The following DLGAP2 variants were observed in gnomAD, a reference collection of about 807,000 sequenced individuals.
DLGAP2 encodes disks large-associated protein 2.
A neutral mutation model predicts 100.3 loss-of-function variants in DLGAP2; 26 were observed. That is an observed-to-expected ratio of 0.26 (90% CI 0.19 to 0.36). DLGAP2 has a LOEUF of 0.36. DLGAP2 is among the 10% of genes least tolerant of loss of function. The probability of loss-of-function intolerance (pLI) is 1.00; values close to 1 mark genes in which losing one functional copy is unlikely to be tolerated. For synonymous variants in DLGAP2, 886 were observed against 630.1 expected (o/e 1.41, Z -6.08); for missense variants, 1,858 against 1,453.2 (o/e 1.28, Z -4.53).
chr8:1,593,212 T>C (rs866911790), intron 6 of DLGAP2, among the ~76,000 whole-genome samples: 2 of 152,086 alleles, frequency 1.3e-5, no homozygotes, highest in Admixed American at 6.6e-5. Flanking sequence ...CCCAGCACTT[T>C]AGGAGACCAA....
At chr8:792,039 G>T (rs1822044324) in intron 1 of DLGAP2, among the ~76,000 whole-genome samples, 1 of 152,206 alleles carries the variant, frequency 6.6e-6, no homozygotes, top group African/African-American at 2.4e-5. Context: ...GTACGATGTT[G>T]ATAGACACTG....
intron 2 of DLGAP2, among the ~76,000 whole-genome samples, chr8:1,201,948 G>C (rs886585192): frequency 6.9e-6 from 1 of 144,380 alleles, no homozygotes; most frequent in African/African-American, 2.6e-5. Flanking sequence ...ATGTGTGTAT[G>C]TGTACACATG....
chr8:1,329,095 C>A (rs961223237), intron 3 of DLGAP2, among the ~76,000 whole-genome samples: 4 of 152,192 alleles, frequency 2.6e-5, no homozygotes, highest in Non-Finnish European at 5.9e-5. Context: ...CGACAAGCGA[C>A]GAGTGGGAAG....
chr8:772,707 C>G (rs903590503), intron 1 of DLGAP2, among the ~76,000 whole-genome samples: 1 of 152,228 alleles, frequency 6.6e-6, no homozygotes. Context: ...CCCATCTCGA[C>G]TGGACAGGCA....
chr8:1,421,323 C>G lies in DLGAP2; in HGVS notation c.107-80043C>G, dbSNP rs115904266. Among the ~76,000 whole-genome samples, 409 of 152,192 alleles carry G rather than the reference C, an allele frequency of 2.7e-3. 1 individual carries two copies. Among genetic ancestry groups the G allele is most frequent in the African/African-American group, 9.2e-3 (382 of 41,502 alleles). On this transcript the variant is annotated intron_variant, in intron 3 of 14. Transcript: ENST00000637795. The stretch of plus-strand genomic sequence containing the variant: ...TTGAACTGAAAAGCTTGTGTATAGG[C>G]CTTGCATACATTAGAATCTTCCAGC...
At chr8:779,226 CTG>C (rs1821619623) in intron 1 of DLGAP2, among the ~76,000 whole-genome samples, 1 of 152,228 alleles carries the variant, frequency 6.6e-6, no homozygotes, top group Non-Finnish European at 1.5e-5. Flanking sequence ...ACCCACTGAC[CTG>C]TGCCCACTCT....
At chr8:830,671 C>T (rs1796764535) in intron 1 of DLGAP2, among the ~76,000 whole-genome samples, 1 of 152,040 alleles carries the variant, frequency 6.6e-6, no homozygotes, top group African/African-American at 2.4e-5. Flanking sequence ...ATTGCATGGT[C>T]TATTTTCTCA....
intron 3 of DLGAP2, among the ~76,000 whole-genome samples, chr8:1,269,180 C>T (rs527638553): frequency 2.0e-5 from 3 of 152,244 alleles, no homozygotes; most frequent in Non-Finnish European, 4.4e-5. Flanking sequence ...TTGCTGCTTC[C>T]TTCCCTGCCC....
At chr8:1,490,948 A>G (rs1449958397) in intron 3 of DLGAP2, among the ~76,000 whole-genome samples, 1 of 150,684 alleles carries the variant, frequency 6.6e-6, no homozygotes, top group East Asian at 1.9e-4. Context: ...TGGGTGCAGC[A>G]CACCAACATG....
At chr8:1,469,527 G>C (rs967362238) in intron 3 of DLGAP2, among the ~76,000 whole-genome samples, 1 of 152,192 alleles carries the variant, frequency 6.6e-6, no homozygotes, top group African/African-American at 2.4e-5. Flanking sequence ...GACGTCTGCT[G>C]CTGAGGACCT....
chr8:1,640,107 C>G (rs1011820564), intron 8 of DLGAP2, among the ~76,000 whole-genome samples: 1 of 152,180 alleles, frequency 6.6e-6, no homozygotes, highest in Admixed American at 6.5e-5. Flanking sequence ...TCTCTGAAAC[C>G]GAGCCCAGTA....
chr8:926,919 C>A, intron 2 of DLGAP2: 1 of 656,878 alleles, frequency 1.5e-6, no homozygotes, highest in Non-Finnish European at 1.9e-6. Context: ...TCCAGGTGTT[C>A]CCTGAGCCGG....
chr8:946,919 G>A (rs1003101275), intron 2 of DLGAP2, among the ~76,000 whole-genome samples: 3 of 152,162 alleles, frequency 2.0e-5, no homozygotes, highest in Non-Finnish European at 4.4e-5. Flanking sequence ...AAAAGCCACC[G>A]GCCGCCCTGT....
intron 2 of DLGAP2, among the ~76,000 whole-genome samples, chr8:1,236,902 G>A (rs1166909723): frequency 8.6e-6 from 1 of 116,682 alleles, no homozygotes; most frequent in African/African-American, 3.5e-5. Context: ...ATGGCGCCAT[G>A]TTTAGTTCTC....
intron 2 of DLGAP2, among the ~76,000 whole-genome samples, chr8:1,051,486 A>G (rs866646438): frequency 6.6e-5 from 10 of 152,212 alleles, no homozygotes; most frequent in Admixed American, 5.9e-4. Flanking sequence ...GGCACAGACT[A>G]TATTGATGTT....
rs1262054897 is a variant in DLGAP2 at position 787,432 on chromosome 8, C to T, written c.18+49607C>T. On this transcript the variant is annotated intron_variant, in intron 1 of 14. Coordinates refer to ENST00000637795, the MANE Select transcript of DLGAP2 (RefSeq NM_001346810.2). ...TAAAAAATATCTTCTAACTTCTCTC[C>T]GCTTCTCCAAAGAGAGCGCCCTTCT... Among the ~76,000 whole-genome samples the T allele has an allele frequency of 2.6e-5, 4 of 152,212 alleles. No homozygotes were observed. The South Asian group carries it at 6.2e-4, about 24-fold the overall frequency.
At chr8:1,271,451 T>C (rs1350656797) in intron 3 of DLGAP2, among the ~76,000 whole-genome samples, 1 of 152,238 alleles carries the variant, frequency 6.6e-6, no homozygotes, top group African/African-American at 2.4e-5. Flanking sequence ...ATTTGTTGAT[T>C]ATTCACTTCA....
chr8:1,476,466 A>C (rs1399988560), intron 3 of DLGAP2, among the ~76,000 whole-genome samples: 1 of 152,146 alleles, frequency 6.6e-6, no homozygotes, highest in Non-Finnish European at 1.5e-5. Context: ...AGTTCGGCTG[A>C]GCGCAGCGTG....
chr8:780,347 C>T (rs945617979), intron 1 of DLGAP2, among the ~76,000 whole-genome samples: 4 of 152,188 alleles, frequency 2.6e-5, no homozygotes, highest in African/African-American at 9.7e-5. Flanking sequence ...AGCCAACTGG[C>T]ATTCCACTGT....
Sources: gnomAD v4.1 joint callset for allele counts (sites outside exome capture counted in the v4.1 genomes callset) on GRCh38, gnomAD v4.1.1 for gene constraint, MANE v1.5 for transcripts, NCBI Gene and HGNC (gene_info 2026-07-23, HGNC 2026-07-21) for gene names.